Variants in HERC3 observed in about 807,000 individuals in gnomAD.
HERC3 encodes the protein HECT and RLD domain containing E3 ubiquitin protein ligase 3.
Under a neutral mutation model 129.9 loss-of-function variants are expected in HERC3, and 58 were observed. The observed-to-expected ratio is 0.45, with a 90% CI of 0.36 to 0.56. The LOEUF (loss-of-function observed/expected upper bound fraction) is 0.56, where lower values mean the gene tolerates loss of function less well. Ranked by LOEUF, HERC3 falls within the 20% of genes least tolerant of loss-of-function variation. The probability of loss-of-function intolerance (pLI) is 0.00; values close to 1 mark genes in which losing one functional copy is unlikely to be tolerated. For missense variants in HERC3, 835 were observed against 1,244.2 expected (o/e 0.67, Z 4.95); for synonymous variants, 430 against 451.0 (o/e 0.95, Z 0.59).
At chr4:88,694,506 C>G (rs1335727619) in intron 23 of HERC3, among the ~76,000 whole-genome samples, 5 of 152,138 alleles carry the variant, frequency 3.3e-5, no homozygotes, top group Non-Finnish European at 7.4e-5. Flanking sequence ...CACTCTAATC[C>G]TAGCCATTCC....
intron 3 of HERC3, among the ~76,000 whole-genome samples, chr4:88,613,290 A>G (rs879370438): frequency 2.0e-5 from 3 of 152,030 alleles, no homozygotes; most frequent in Non-Finnish European, 2.9e-5. Flanking sequence ...TTTCTGTGCA[A>G]CTCTATTTGA....
At chr4:88,616,969 A>C (rs1051492192) in intron 3 of HERC3, among the ~76,000 whole-genome samples, 1 of 152,038 alleles carries the variant, frequency 6.6e-6, no homozygotes, top group Non-Finnish European at 1.5e-5. Context: ...AAGCCTGCAT[A>C]TATTCCCCAA....
the HERC3 span, among the ~76,000 whole-genome samples, chr4:88,539,825 A>G: frequency 1.9e-4 from 29 of 152,354 alleles, no homozygotes; most frequent in African/African-American, 6.7e-4. Flanking sequence ...GCAAACTCCA[A>G]CAGAACTATA....
chr4:88,567,495 T>A, the HERC3 span, among the ~76,000 whole-genome samples: 1 of 152,290 alleles, frequency 6.6e-6, no homozygotes, highest in East Asian at 1.9e-4. Flanking sequence ...TTTTGTCTCC[T>A]CTGATTGTGT....
At chr4:88,539,833 A>G in the HERC3 span, among the ~76,000 whole-genome samples, 69,838 of 152,128 alleles carry the variant, frequency 0.46, 19,709 homozygotes, top group African/African-American at 0.79. Context: ...CAACAGAACT[A>G]TAGCTGAGGG....
Position 88,668,109 on chromosome 4 carries a change from G to C in HERC3, c.1633+28G>C, listed in dbSNP as rs761970961. The C allele has an allele frequency of 2.5e-6, 4 of 1,569,092 alleles. No homozygotes were observed. In the South Asian group the frequency reaches 4.5e-5, roughly 18 times the overall value. ...GAATTTGCTAACCTCGATATCAGTG[G>C]TTTTATGGTCATTTGTTTTGTTGGT... On this transcript the variant is annotated intron_variant, in intron 14 of 25. Coordinates refer to ENST00000402738, the MANE Select transcript of HERC3 (RefSeq NM_014606.3).
In HERC3 at chr4:88,655,232, T is replaced by C. The variant is rs763505861; in HGVS notation, c.836T>C (p.Met279Thr). 5.0e-6 allele frequency: 8 copies of C among 1,613,912 alleles called. No homozygotes were observed. Among genetic ancestry groups the C allele is most frequent in the Non-Finnish European group, 6.8e-6 (8 of 1,179,916 alleles). ...GSCGQLGHDS[M>T]NDEVNPRRVL... ...TGTGGGCAACTTGGACACGACTCCA[T>C]GAATGATGAGGTTAACCCTAGAAGA... Residue 279 changes from methionine (M) to threonine (T), a missense_variant, in exon 8 of 26, where the codon ATG (methionine) becomes ACG (threonine). Transcript: ENST00000402738.
chr4:88,697,885 C>CA, intron 23 of HERC3: 1 of 1,289,242 alleles, frequency 7.8e-7, no homozygotes, highest in Non-Finnish European at 1.1e-6. Flanking sequence ...TGGCCGCGGC[C>CA]CCGCCTCCTG....
intron 3 of HERC3, among the ~76,000 whole-genome samples, chr4:88,631,223 G>A (rs10007613): frequency 0.049 from 7,458 of 152,232 alleles, 239 homozygotes; most frequent in Middle Eastern, 0.12. Flanking sequence ...GGGAGGCTGA[G>A]GCAGGCAGAT....
At chr4:88,569,332 A>G in the HERC3 span, among the ~76,000 whole-genome samples, 1 of 152,192 alleles carries the variant, frequency 6.6e-6, no homozygotes, top group Non-Finnish European at 1.5e-5. Context: ...TGAAGCTGCT[A>G]CCTGGGGATG....
the HERC3 span, among the ~76,000 whole-genome samples, chr4:88,531,786 C>T: frequency 6.6e-6 from 1 of 152,168 alleles, no homozygotes; most frequent in Admixed American, 6.5e-5. Flanking sequence ...CACGCAGGTT[C>T]TGACAGACAC....
the HERC3 span, among the ~76,000 whole-genome samples, chr4:88,557,805 C>T: frequency 6.6e-6 from 1 of 151,934 alleles, no homozygotes; most frequent in Admixed American, 6.6e-5. Context: ...GCCTGTAATC[C>T]CAGCACTTTG....
chr4:88,613,647 C>G (rs1724593108), intron 3 of HERC3, among the ~76,000 whole-genome samples: 1 of 152,200 alleles, frequency 6.6e-6, no homozygotes, highest in Admixed American at 6.5e-5. Context: ...AGAAGGGACC[C>G]TGTAATGACT....
chr4:88,535,623 C>T, the HERC3 span, among the ~76,000 whole-genome samples: 1 of 152,150 alleles, frequency 6.6e-6, no homozygotes, highest in Non-Finnish European at 1.5e-5. Flanking sequence ...CCTCCCACAT[C>T]CAATCACATG....
intron 23 of HERC3, among the ~76,000 whole-genome samples, chr4:88,700,727 T>C (rs1179910330): frequency 6.6e-6 from 1 of 152,102 alleles, no homozygotes. Context: ...AGGGATTTAT[T>C]TTAAAGAATT....
At position 88,688,289 on chromosome 4, in the gene HERC3, G is replaced by A. The variant is rs116610635; in HGVS notation, c.2657+990G>A. The stretch of plus-strand genomic sequence containing the variant: ...GGTGTACGGATGAAGGGAGACTATA[G>A]TAGCATCAGAGTGGAGGTTATCAAG... On this transcript the variant is annotated intron_variant, in intron 23 of 25. Coordinates refer to ENST00000402738, the MANE Select transcript of HERC3 (RefSeq NM_014606.3). 8.6e-3 allele frequency among the ~76,000 whole-genome samples: 1,303 copies of A among 152,318 alleles called. 20 individuals are homozygous for A. Among genetic ancestry groups the A allele is most frequent in the African/African-American group, 0.03 (1,239 of 41,570 alleles).
At chr4:88,535,799 G>A in the HERC3 span, among the ~76,000 whole-genome samples, 1 of 152,122 alleles carries the variant, frequency 6.6e-6, no homozygotes, top group East Asian at 1.9e-4. Flanking sequence ...AGATGAATTT[G>A]GCACTTAAGT....
chr4:88,664,338 G>GT, intron 12 of HERC3, 126 bp downstream of exon 12: 1 of 694,214 alleles, frequency 1.4e-6, no homozygotes, highest in Non-Finnish European at 2.4e-6. Context: ...GATCATGCCT[G>GT]TGAATAGCCA....
rs1445632505 is a variant in HERC3, at chr4:88,691,203, C to T, written c.2657+3904C>T. 2.0e-5 allele frequency among the ~76,000 whole-genome samples: 3 copies of T among 152,214 alleles called. No individual in the cohort carries two copies. The East Asian group carries it at 5.8e-4, about 29-fold the overall frequency. Reference sequence around the variant, plus strand: ...GTGTTCAAGATGTACAGAACAGCTTCTGTACTAGGTAGAAATTTAGATTTC... The same window carrying T: ...GTGTTCAAGATGTACAGAACAGCTTTTGTACTAGGTAGAAATTTAGATTTC... On this transcript the variant is annotated intron_variant, in intron 23 of 25. Transcript: ENST00000402738.
Sources: gnomAD v4.1 joint callset for allele counts (sites outside exome capture counted in the v4.1 genomes callset) on GRCh38, gnomAD v4.1.1 for gene constraint, MANE v1.5 for transcripts, NCBI Gene and HGNC (gene_info 2026-07-23, HGNC 2026-07-21) for gene names.